The following SRGAP3 variants were observed in gnomAD, a reference collection of about 807,000 sequenced individuals.
SRGAP3 encodes the protein SLIT-ROBO Rho GTPase-activating protein 3.
A neutral mutation model predicts 121.1 loss-of-function variants in SRGAP3; 39 were observed. That is an observed-to-expected ratio of 0.32 (90% confidence interval 0.25 to 0.42). SRGAP3 has a LOEUF of 0.42. SRGAP3 is among the 10% of genes least tolerant of loss of function. SRGAP3 has a pLI of 1.00. For synonymous variants in SRGAP3, 601 were observed against 570.0 expected, an observed-to-expected ratio of 1.05 and a Z score of -0.77; for missense variants, 1,213 against 1,470.6, an observed-to-expected ratio of 0.82 and a Z score of 2.86.
intron 1 of SRGAP3, among the ~76,000 whole-genome samples, chr3:9,161,650 T>C (rs775427646): frequency 2.0e-5 from 3 of 152,106 alleles, no homozygotes; most frequent in Non-Finnish European, 2.9e-5. Flanking sequence ...CAGGACAGAG[T>C]TGCATTCTCC....
chr3:8,994,588 T>C (rs1372360386), intron 18 of SRGAP3, 65 bp from the exon 19 acceptor site: 1 of 1,589,568 alleles, frequency 6.3e-7, no homozygotes, highest in Non-Finnish European at 8.5e-7. Flanking sequence ...GGAGCCTCAC[T>C]CAGATGGCCC....
intron 3 of SRGAP3, among the ~76,000 whole-genome samples, chr3:9,090,819 T>A (rs1039845444): frequency 6.6e-6 from 1 of 152,226 alleles, no homozygotes; most frequent in Middle Eastern, 3.4e-3. Flanking sequence ...GTATTTTTAG[T>A]AGAGACAGGT....
At chr3:9,092,212 G>A (rs1443592015) in intron 3 of SRGAP3, among the ~76,000 whole-genome samples, 1 of 151,960 alleles carries the variant, frequency 6.6e-6, no homozygotes, top group Non-Finnish European at 1.5e-5. Flanking sequence ...CAGGCCTGAG[G>A]AAGTCCAAGG....
chr3:9,301,120 G>A (rs200067323), intron 3 of SRGAP3, among the ~76,000 whole-genome samples: 7 of 152,250 alleles, frequency 4.6e-5, no homozygotes, highest in South Asian at 2.1e-4. Context: ...GTGAAGTTTC[G>A]TTTTTTAACT....
intron 12 of SRGAP3, among the ~76,000 whole-genome samples, chr3:9,029,142 G>C (rs1032700197): frequency 6.6e-6 from 1 of 152,156 alleles, no homozygotes; most frequent in Non-Finnish European, 1.5e-5. Context: ...CAGCCTGGTC[G>C]AACAGGCTGT....
intron 1 of SRGAP3, among the ~76,000 whole-genome samples, chr3:9,130,224 C>A (rs1949394883): frequency 6.6e-6 from 1 of 152,150 alleles, no homozygotes; most frequent in African/African-American, 2.4e-5. Context: ...ACTCACCCCC[C>A]ACACATACAT....
intron 1 of SRGAP3, among the ~76,000 whole-genome samples, chr3:9,167,531 A>G (rs1209730626): frequency 6.6e-6 from 1 of 152,126 alleles, no homozygotes; most frequent in Non-Finnish European, 1.5e-5. Flanking sequence ...TTGCTCCTAA[A>G]TTCTGGGAGC....
upstream of SRGAP3, among the ~76,000 whole-genome samples, chr3:9,253,449 T>C (rs1169315272): frequency 1.3e-5 from 2 of 152,126 alleles, no homozygotes; most frequent in African/African-American, 4.8e-5. Context: ...AGCTAAACAA[T>C]GCAAAACTCA....
chr3:9,065,113 T>C (rs1301942725), intron 4 of SRGAP3, among the ~76,000 whole-genome samples: 1 of 152,178 alleles, frequency 6.6e-6, no homozygotes, highest in Non-Finnish European at 1.5e-5. Context: ...TCTCAGCTGT[T>C]TCCTGAAGTA....
At chr3:9,024,491 T>C (rs572198723) in intron 14 of SRGAP3, among the ~76,000 whole-genome samples, 70 of 152,128 alleles carry the variant, frequency 4.6e-4, no homozygotes, top group African/African-American at 1.7e-3. Flanking sequence ...GTAAGAAAAA[T>C]TGAGTGTTTC....
At chr3:9,317,058 A>T (rs949664720) in intron 3 of SRGAP3, among the ~76,000 whole-genome samples, 1 of 152,184 alleles carries the variant, frequency 6.6e-6, no homozygotes, top group African/African-American at 2.4e-5. Context: ...GGACCGCAAC[A>T]GGGCAACCCT....
At chr3:9,271,612 T>G (rs1954479484) in intron 3 of SRGAP3, among the ~76,000 whole-genome samples, 1 of 151,930 alleles carries the variant, frequency 6.6e-6, no homozygotes, top group African/African-American at 2.4e-5. Context: ...CTGAGAGGTG[T>G]CTCATAAACC....
chr3:9,141,345 G>A (rs1270317309), intron 1 of SRGAP3, among the ~76,000 whole-genome samples: 1 of 152,202 alleles, frequency 6.6e-6, no homozygotes, highest in African/African-American at 2.4e-5. Flanking sequence ...CCACATGGAA[G>A]AATATCTAAG....
intron 1 of SRGAP3, among the ~76,000 whole-genome samples, chr3:9,141,553 G>GGTGTGTGTGT (rs3067669): frequency 1.5e-3 from 209 of 138,454 alleles, no homozygotes; most frequent in Middle Eastern, 3.7e-3. Context: ...TGACTTCAGG[G>GGTGTGTGTGT]GTGTGTGTGT....
At chr3:9,089,283 T>C (rs902295511) in intron 3 of SRGAP3, among the ~76,000 whole-genome samples, 35 of 3,796 alleles carry the variant, frequency 9.2e-3, no homozygotes, top group African/African-American at 0.047. Flanking sequence ...GACAGATAAG[T>C]GGGGTGGGCG....
chr3:9,006,031 T>G (rs1036044034), intron 18 of SRGAP3, among the ~76,000 whole-genome samples: 2 of 152,212 alleles, frequency 1.3e-5, no homozygotes. Flanking sequence ...CCATGTTTAT[T>G]ACTAGGGATT....
intron 3 of SRGAP3, among the ~76,000 whole-genome samples, chr3:9,310,345 C>T (rs1055813612): frequency 2.6e-5 from 4 of 152,158 alleles, no homozygotes; most frequent in African/African-American, 9.7e-5. Flanking sequence ...CTCCTGCCAA[C>T]AGTATCCCTA....
intron 1 of SRGAP3, among the ~76,000 whole-genome samples, chr3:9,342,435 G>A (rs1955803645): frequency 6.6e-6 from 1 of 152,094 alleles, no homozygotes; most frequent in African/African-American, 2.4e-5. Context: ...TGAGCTTGGT[G>A]GTACTCTACA....
chr3:9,255,457 T>C (rs997530483), intron 3 of SRGAP3, among the ~76,000 whole-genome samples: 2 of 152,152 alleles, frequency 1.3e-5, no homozygotes, highest in Non-Finnish European at 2.9e-5. Context: ...ACCCCCAAGC[T>C]TACATTCTCA....
Sources: gnomAD v4.1 joint callset for allele counts (sites outside exome capture counted in the v4.1 genomes callset) on GRCh38, gnomAD v4.1.1 for gene constraint, MANE v1.5 for transcripts, NCBI Gene and HGNC (gene_info 2026-07-23, HGNC 2026-07-21) for gene names.